The following LIPG variants were observed in gnomAD, a reference collection of about 807,000 sequenced individuals.
LIPG encodes endothelial lipase.
In LIPG, 34 loss-of-function variants were observed where a neutral mutation model predicts 51.8. The observed-to-expected ratio is 0.66, with a 90% CI of 0.50 to 0.87. The LOEUF (loss-of-function observed/expected upper bound fraction) is 0.87. LIPG is among the 40% of genes least tolerant of loss of function. The pLI, the probability that LIPG is intolerant of heterozygous loss-of-function variation, is 0.00. For synonymous variants in LIPG, 246 were observed against 246.1 expected (o/e 1.00, Z 0.00); for missense variants, 580 against 652.7 (o/e 0.89, Z 1.21).
chr18:49,583,890 G>A, intron 8 of LIPG, 116 bp downstream of exon 8: 1 of 948,954 alleles, frequency 1.1e-6, no homozygotes, highest in Non-Finnish European at 1.6e-6. Flanking sequence ...CAGCATGCAG[G>A]TAAAACTTCA....
chr18:49,578,227 G>A (rs868846618), intron 5 of LIPG, among the ~76,000 whole-genome samples: 3 of 147,102 alleles, frequency 2.0e-5, no homozygotes, highest in African/African-American at 7.7e-5. Flanking sequence ...CTTCTCAGAC[G>A]GGGCGGCTGC....
intron 5 of LIPG, among the ~76,000 whole-genome samples, chr18:49,580,990 G>A (rs1002110354): frequency 2.6e-5 from 4 of 152,096 alleles, no homozygotes; most frequent in South Asian, 2.1e-4. Context: ...CGGGTGCAGC[G>A]GCTCACATCT....
chr18:49,579,743 TCTTTCCTTTC>T (rs373290539), intron 5 of LIPG, among the ~76,000 whole-genome samples: 1 of 131,078 alleles, frequency 7.6e-6, no homozygotes, highest in Non-Finnish European at 1.6e-5. Context: ...TGATGGCCTT[TCTTTCCTTTC>T]CTTTCCTTTC....
intron 8 of LIPG, 138 bp downstream of exon 8, chr18:49,583,912 A>G (rs2084854591): frequency 2.7e-6 from 2 of 748,412 alleles, no homozygotes; most frequent in African/African-American, 1.8e-5. Flanking sequence ...ACACCTTTGC[A>G]AGGACAAGTG....
rs200435657 is a variant in LIPG at position 49,565,316 on chromosome 18, G to C, written c.98-1G>C. The C allele has an allele frequency of 1.2e-6, 2 of 1,613,780 alleles. No individual in the cohort carries two copies. Among genetic ancestry groups the C allele is most frequent in the African/African-American group, 1.3e-5 (1 of 74,900 alleles). ...ACCCACGCTCTGTTCTGTCTCCCCA[G>C]ATAAGCTCCACAAACCCAAAGCTAC... is the stretch of plus-strand genomic sequence containing the variant. On this transcript the variant is annotated splice_acceptor_variant, in intron 1 of 9. Coordinates refer to ENST00000261292, the MANE Select transcript of LIPG (RefSeq NM_006033.4). LOFTEE classifies it high-confidence loss of function.
At chr18:49,567,390 T>C in intron 2 of LIPG, 52 bp from the exon 3 acceptor site, 1 of 1,571,232 alleles carries the variant, frequency 6.4e-7, no homozygotes, top group Non-Finnish European at 8.7e-7. Flanking sequence ...TTCCATATTT[T>C]TTAGGATTTC....
At chr18:49,586,408 T>C (rs890207442) in intron 8 of LIPG, among the ~76,000 whole-genome samples, 1 of 152,218 alleles carries the variant, frequency 6.6e-6, no homozygotes. Flanking sequence ...GTAACCAGTT[T>C]AAAGGCCAAG....
intron 6 of LIPG, chr18:49,582,000 T>C: frequency 1.7e-6 from 1 of 580,854 alleles, no homozygotes; most frequent in South Asian, 2.2e-5. Context: ...AATGACATGT[T>C]ACATTTTTAT....
In LIPG at chr18:49,579,254, C is replaced by A. The variant is rs771012041; in HGVS notation, c.794-2161C>A. 2.2e-5 allele frequency among the ~76,000 whole-genome samples: 3 copies of A among 136,976 alleles called. 1 individual carries two copies. In the South Asian group the frequency reaches 7.4e-4, roughly 34 times the overall value. 89.9% of individuals were successfully genotyped at this position (136,976 alleles called of 152,430 possible). A position where few individuals can be genotyped will look rare whatever the true frequency, so the allele number is the denominator to read the frequency against. On this transcript the variant is annotated intron_variant, in intron 5 of 9. Transcript: ENST00000261292. ...AGGGAGAGGGCTCACCGGATACACT[C>A]TATTTTAATTTTTGGTAACATTTTA... is the stretch of plus-strand genomic sequence containing the variant.
chr18:49,585,504 C>G (rs2084871386), intron 8 of LIPG, among the ~76,000 whole-genome samples: 1 of 152,320 alleles, frequency 6.6e-6, no homozygotes, highest in Middle Eastern at 3.4e-3. Context: ...ACATAAAGAT[C>G]TAATCTATTC....
intron 6 of LIPG, 108 bp downstream of exon 6, chr18:49,581,765 A>T (rs1226789366): frequency 7.5e-7 from 1 of 1,330,572 alleles, no homozygotes; most frequent in East Asian, 2.3e-5. Context: ...TGGCCAGCAC[A>T]ATCCAATCAA....
chr18:49,572,370 A>G (rs568519364), intron 4 of LIPG, among the ~76,000 whole-genome samples: 5 of 152,130 alleles, frequency 3.3e-5, no homozygotes, highest in African/African-American at 1.2e-4. Context: ...AACACCTCAT[A>G]TATGACAGCT....
chr18:49,575,966 G>A (rs990168014), intron 5 of LIPG, among the ~76,000 whole-genome samples: 1 of 151,650 alleles, frequency 6.6e-6, no homozygotes, highest in Non-Finnish European at 1.5e-5. Context: ...AGCCTCCTGA[G>A]TAGCTGGGAC....
At chr18:49,578,049 C>A (rs1238796354) in intron 5 of LIPG, among the ~76,000 whole-genome samples, 1 of 139,772 alleles carries the variant, frequency 7.2e-6, no homozygotes, top group Non-Finnish European at 1.6e-5. Context: ...TCCCGGATGG[C>A]ACGGCTGGCC....
chr18:49,579,782 T>C (rs1271553543), intron 5 of LIPG, among the ~76,000 whole-genome samples: 2 of 78,662 alleles, frequency 2.5e-5, no homozygotes, highest in Non-Finnish European at 5.8e-5. Context: ...TCTTTTCTTT[T>C]CTTTTCTTTT....
chr18:49,581,719 T>C lies in LIPG; in HGVS notation c.1036+62T>C, dbSNP rs1357011241. 3 of 1,591,630 alleles carry C rather than the reference T, an allele frequency of 1.9e-6. No homozygotes were observed. The South Asian group carries it at 3.3e-5, about 18-fold the overall frequency. ...CCTTAATACCTCCTTCTTAATACCA[T>C]GCTGCAGAGCAGGGCACATCCTAGC... is the stretch of plus-strand genomic sequence containing the variant. On this transcript the variant is annotated intron_variant, in intron 6 of 9. Transcript: ENST00000261292.
chr18:49,574,568 C>G (rs937318644), intron 4 of LIPG, among the ~76,000 whole-genome samples: 20 of 152,338 alleles, frequency 1.3e-4, no homozygotes, highest in African/African-American at 4.1e-4. Context: ...ACTCTCTCCC[C>G]CAACGCACAC....
In LIPG at chr18:49,592,924, ATTTTTTTTTTTT is replaced by A. The variant is rs1023534320; in HGVS notation, c.*2417_*2428del. ...AAGTTCTTAATGGTCTGACAACTCAATTTTTTTTTTTTTTTTTTTTTTTTTTGAGACAGAGCC... is the reference window on the plus strand; with the variant it reads ...AAGTTCTTAATGGTCTGACAACTCAATTTTTTTTTTTTTTGAGACAGAGCC... On this transcript the variant is annotated 3_prime_UTR_variant, in exon 10 of 10. Transcript: ENST00000261292. 1 of 113,586 alleles carries A rather than the reference ATTTTTTTTTTTT, an allele frequency of 8.8e-6. No homozygotes were observed. Among genetic ancestry groups the A allele is most frequent in the South Asian group, 2.9e-4 (1 of 3,416 alleles). 7.0% of individuals were successfully genotyped at this position (113,586 alleles called of 1,614,324 possible).
intron 4 of LIPG, 59 bp from the exon 5 acceptor site, chr18:49,575,310 G>A: frequency 7.4e-7 from 1 of 1,354,432 alleles, no homozygotes. Context: ...TTGTAATCAG[G>A]ACTCACTGAC....
Sources: gnomAD v4.1 joint callset for allele counts (sites outside exome capture counted in the v4.1 genomes callset) on GRCh38, gnomAD v4.1.1 for gene constraint, MANE v1.5 for transcripts, NCBI Gene and HGNC (gene_info 2026-07-23, HGNC 2026-07-21) for gene names.